The following SHQ1 variants were observed in gnomAD, a reference collection of about 807,000 sequenced individuals.
The protein encoded by SHQ1 is SHQ1, H/ACA ribonucleoprotein assembly factor, also known as protein SHQ1 homolog.
A neutral mutation model predicts 53.8 loss-of-function variants in SHQ1; 49 were observed. That is an observed-to-expected ratio of 0.91 (90% CI 0.72 to 1.16). SHQ1 has a LOEUF of 1.16. Ranked by LOEUF, SHQ1 falls within the 50% of genes most tolerant of loss-of-function variation. The probability of loss-of-function intolerance (pLI) is 0.00; values close to 1 mark genes in which losing one functional copy is unlikely to be tolerated. For synonymous variants in SHQ1, 243 were observed against 251.0 expected, an observed-to-expected ratio of 0.97 and a Z score of 0.30; for missense variants, 738 against 683.1, an observed-to-expected ratio of 1.08 and a Z score of -0.90.
At chr3:72,728,907 C>T in the SHQ1 span, among the ~76,000 whole-genome samples, 1 of 152,320 alleles carries the variant, frequency 6.6e-6, no homozygotes, top group South Asian at 2.1e-4. Flanking sequence ...CGCTCAGAAC[C>T]AGGTCAGTGC....
chr3:72,784,671 C>T (rs1706172473), intron 10 of SHQ1, among the ~76,000 whole-genome samples: 2 of 152,190 alleles, frequency 1.3e-5, no homozygotes, highest in South Asian at 4.1e-4. Context: ...CTTCTACATG[C>T]TAATCATTAG....
intron 1 of SHQ1, among the ~76,000 whole-genome samples, chr3:72,847,903 G>T (rs1255092499): frequency 1.3e-5 from 2 of 152,122 alleles, no homozygotes; most frequent in African/African-American, 4.8e-5. Flanking sequence ...AACGGGACGA[G>T]AACTAGGGCG....
At chr3:72,733,014 G>A in the SHQ1 span, among the ~76,000 whole-genome samples, 3 of 151,720 alleles carry the variant, frequency 2.0e-5, no homozygotes, top group Admixed American at 6.6e-5. Context: ...CCACGGTGCA[G>A]ATGGGTGGGG....
chr3:72,819,809 G>A (rs1424307336), intron 6 of SHQ1, among the ~76,000 whole-genome samples: 1 of 152,164 alleles, frequency 6.6e-6, no homozygotes. Flanking sequence ...CGCATCTGAA[G>A]TTCCTTAATT....
chr3:72,760,973 AT>A (rs1286719805), intron 10 of SHQ1, among the ~76,000 whole-genome samples: 2 of 152,156 alleles, frequency 1.3e-5, no homozygotes, highest in Non-Finnish European at 2.9e-5. Flanking sequence ...GTTTCTTATA[AT>A]TAGATCGATA....
At chr3:72,833,772 G>A (rs1419651571) in intron 4 of SHQ1, among the ~76,000 whole-genome samples, 9 of 152,136 alleles carry the variant, frequency 5.9e-5, no homozygotes, top group Admixed American at 1.3e-4. Flanking sequence ...GTCTTTATTC[G>A]TTTCACCAGA....
chr3:72,841,159 C>G lies in SHQ1; in HGVS notation c.372G>C (p.Glu124Asp). The change falls in exon 4 of 11, where the codon GAG (glutamate) becomes GAC (aspartate). Residue 124 changes from glutamate (E) to aspartate (D), a missense_variant. Physicochemically the swap from Glu to Asp is conservative, Grantham distance 45. Coordinates refer to ENST00000325599, the MANE Select transcript of SHQ1 (RefSeq NM_018130.3). ...EIPEEVVDDE[E>D]FDWEIEQTPC... ...GTGTCTGCTCAATTTCCCAATCAAA[C>G]TCTTCATCGTCAACTACTTCCTCAG... 1 of 1,613,762 alleles carries G rather than the reference C, an allele frequency of 6.2e-7. No individual in the cohort carries two copies. Among genetic ancestry groups the G allele is most frequent in the South Asian group, 1.1e-5 (1 of 90,956 alleles).
At chr3:72,815,910 T>C (rs1272597128) in intron 7 of SHQ1, among the ~76,000 whole-genome samples, 1 of 152,120 alleles carries the variant, frequency 6.6e-6, no homozygotes, top group Non-Finnish European at 1.5e-5. Flanking sequence ...AATACACAAA[T>C]ACAAGAATAA....
At chr3:72,732,813 A>T in the SHQ1 span, among the ~76,000 whole-genome samples, 1 of 151,410 alleles carries the variant, frequency 6.6e-6, no homozygotes, top group African/African-American at 2.4e-5. Context: ...AACTGTAGGC[A>T]CATGAATGAT....
rs565035622 is a variant in SHQ1 at position 72,750,029 on chromosome 3, T to G, written c.*255A>C. 1 of 465,272 alleles carries G rather than the reference T, an allele frequency of 2.1e-6. No homozygotes were observed. The highest frequency in any genetic ancestry group is 3.0e-5 in the South Asian group (1 of 33,452). 28.8% of individuals were successfully genotyped at this position (465,272 alleles called of 1,614,324 possible). On this transcript the variant is annotated 3_prime_UTR_variant, in exon 11 of 11. Transcript: ENST00000325599. ...ATATTACCCAATACAATGTAAATGC[T>G]GTGGAAATAGTTGTCATACTGTATT... is the stretch of plus-strand genomic sequence containing the variant.
the SHQ1 span, among the ~76,000 whole-genome samples, chr3:72,731,457 A>G: frequency 2.0e-5 from 3 of 151,362 alleles, no homozygotes; most frequent in African/African-American, 7.3e-5. Flanking sequence ...AGGCCGAGAC[A>G]GATGGATCAC....
At chr3:72,758,143 T>C (rs1393486660) in intron 10 of SHQ1, among the ~76,000 whole-genome samples, 1 of 152,176 alleles carries the variant, frequency 6.6e-6, no homozygotes, top group Non-Finnish European at 1.5e-5. Context: ...AATTCCTATC[T>C]TGAATCTGAG....
At chr3:72,797,116 G>A (rs760033424) in intron 9 of SHQ1, among the ~76,000 whole-genome samples, 1 of 151,814 alleles carries the variant, frequency 6.6e-6, no homozygotes, top group Non-Finnish European at 1.5e-5. Context: ...AAATTAGCCG[G>A]GCATGATAGC....
intron 4 of SHQ1, among the ~76,000 whole-genome samples, chr3:72,832,887 T>G (rs1360573805): frequency 6.6e-6 from 1 of 152,206 alleles, no homozygotes; most frequent in Non-Finnish European, 1.5e-5. Flanking sequence ...CGGTCTCTTC[T>G]TTCTTCCTAT....
intron 6 of SHQ1, among the ~76,000 whole-genome samples, chr3:72,823,020 G>A (rs1253127176): frequency 1.3e-5 from 2 of 151,978 alleles, no homozygotes; most frequent in African/African-American, 4.8e-5. Context: ...GCGGTGGCCG[G>A]TGCCTGTAGT....
intron 10 of SHQ1, among the ~76,000 whole-genome samples, chr3:72,776,743 A>C (rs766377011): frequency 6.6e-6 from 1 of 152,188 alleles, no homozygotes; most frequent in Non-Finnish European, 1.5e-5. Flanking sequence ...GTCTCTCCAA[A>C]CTGATTAACA....
At position 72,812,699 on chromosome 3, in the gene SHQ1, G is replaced by A; in HGVS notation, c.1032C>T (p.Tyr344=). 2 of 1,614,044 alleles carry A rather than the reference G, an allele frequency of 1.2e-6. No homozygotes were observed. Among genetic ancestry groups the A allele is most frequent in the Non-Finnish European group, 1.7e-6 (2 of 1,180,002 alleles). Residue 344 remains tyrosine (Y), a synonymous_variant, in exon 9 of 11, where the codon TAC becomes TAT. Coordinates refer to ENST00000325599, the MANE Select transcript of SHQ1 (RefSeq NM_018130.3). The stretch of plus-strand genomic sequence containing the variant: ...GTTGCAATATCTTTATAGTGTCCCT[G>A]TAGGCCTTCATCACCAGCTTGAAAT... ...YRHFKLVMKA[Y]RDTIKILQLG... is the part of the protein sequence containing the mutation.
chr3:72,829,344 T>C (rs1707761122), intron 5 of SHQ1, among the ~76,000 whole-genome samples: 2 of 152,220 alleles, frequency 1.3e-5, no homozygotes, highest in South Asian at 2.1e-4. Context: ...TTCTTCTTCA[T>C]AGCACTTAAT....
At chr3:72,732,387 T>G in the SHQ1 span, among the ~76,000 whole-genome samples, 1 of 132,112 alleles carries the variant, frequency 7.6e-6, no homozygotes, top group Non-Finnish European at 1.6e-5. Flanking sequence ...CCTGCCTGCC[T>G]GCCTTCCTTC....
Sources: allele counts gnomAD v4.1 joint callset (sites outside exome capture counted in the v4.1 genomes callset), GRCh38; gene constraint gnomAD v4.1.1; transcripts MANE v1.5; gene names NCBI Gene and HGNC (gene_info 2026-07-23, HGNC 2026-07-21).